Variants in PLCE1 observed in about 807,000 individuals in gnomAD.
PLCE1 encodes the protein 1-phosphatidylinositol 4,5-bisphosphate phosphodiesterase epsilon-1.
PLCE1 carries 119 observed loss-of-function variants against 242.8 expected under a neutral mutation model. The observed-to-expected ratio is 0.49, with a 90% CI of 0.42 to 0.57. PLCE1 has a LOEUF of 0.57. PLCE1 is among the 20% of genes least tolerant of loss of function. The pLI, the probability that PLCE1 is intolerant of heterozygous loss-of-function variation, is 0.00. For synonymous variants in PLCE1, 945 were observed against 1,017.4 expected (o/e 0.93, Z 1.35); for missense variants, 2,441 against 2,788.8 (o/e 0.88, Z 2.81).
intron 3 of PLCE1, among the ~76,000 whole-genome samples, chr10:94,136,104 C>T (rs898722343): frequency 2.6e-5 from 4 of 151,984 alleles, no homozygotes; most frequent in East Asian, 1.9e-4. Context: ...GTGAATTAAA[C>T]GGAGTTGGTA....
At chr10:94,249,072 A>T (rs2050785727) in intron 8 of PLCE1, among the ~76,000 whole-genome samples, 1 of 152,116 alleles carries the variant, frequency 6.6e-6, no homozygotes, top group South Asian at 2.1e-4. Context: ...CCTGCACAGA[A>T]CCAAGATGTT....
intron 1 of PLCE1, among the ~76,000 whole-genome samples, chr10:94,005,098 C>T (rs1301464030): frequency 5.9e-5 from 9 of 152,196 alleles, no homozygotes; most frequent in African/African-American, 2.2e-4. Context: ...TTTCCATCCT[C>T]GTTCCTTCCT....
intron 4 of PLCE1, among the ~76,000 whole-genome samples, chr10:94,178,694 A>G (rs1454600292): frequency 1.3e-5 from 2 of 152,232 alleles, no homozygotes; most frequent in Non-Finnish European, 2.9e-5. Context: ...CTTCATAGCA[A>G]TGATGATCGC....
chr10:94,066,270 C>T (rs1236846090), intron 2 of PLCE1, among the ~76,000 whole-genome samples: 2 of 152,212 alleles, frequency 1.3e-5, no homozygotes, highest in Non-Finnish European at 2.9e-5. Context: ...TTAGCTTTCT[C>T]TGTCTTTTTC....
At chr10:94,257,929 T>C (rs987019852) in intron 11 of PLCE1, among the ~76,000 whole-genome samples, 1 of 152,146 alleles carries the variant, frequency 6.6e-6, no homozygotes, top group Non-Finnish European at 1.5e-5. Flanking sequence ...ATTTAAAAAA[T>C]AGATCCTGTT....
intron 2 of PLCE1, among the ~76,000 whole-genome samples, chr10:94,049,429 T>C (rs1374487134): frequency 2.0e-5 from 3 of 152,186 alleles, no homozygotes; most frequent in Non-Finnish European, 4.4e-5. Flanking sequence ...CTCTATCATA[T>C]ACCAAAATTC....
intron 3 of PLCE1, among the ~76,000 whole-genome samples, chr10:94,157,384 G>A (rs1428343595): frequency 6.6e-6 from 1 of 152,112 alleles, no homozygotes; most frequent in East Asian, 1.9e-4. Flanking sequence ...TCATCACTGT[G>A]ACATACCCAT....
chr10:94,227,206 C>T lies in PLCE1; in HGVS notation c.1810-100C>T, dbSNP rs1231365354. The T allele has an allele frequency of 5.2e-6, 6 of 1,154,976 alleles. No homozygotes were observed. The African/African-American group carries it at 6.1e-5, about 12-fold the overall frequency. The allele number at this position is 1,154,976 out of a possible 1,614,324, so 71.5% of individuals were successfully genotyped here. On this transcript the variant is annotated intron_variant, in intron 4 of 32. Coordinates refer to ENST00000371380, the MANE Select transcript of PLCE1 (RefSeq NM_016341.4). ...CCTACAGGTCTTTCATTTCCTAATACCAAATTGATATTTTTAGAAAAACAA... is the reference window on the plus strand; with the variant it reads ...CCTACAGGTCTTTCATTTCCTAATATCAAATTGATATTTTTAGAAAAACAA...
rs200152581 is a variant in PLCE1 at position 94,279,841 on chromosome 10, A to T, written c.4725A>T (p.Arg1575=). ...QAYNGGNANP[R]PANNEEEEDE... is the part of the protein sequence containing the mutation. ...ATAATGGTGGGAATGCCAACCCCCG[A>T]CCTGCCAATAATGAGGAAGAGGAAG... Residue 1575 remains arginine, a synonymous_variant, in exon 20 of 33, where the codon CGA becomes CGT. Coordinates refer to ENST00000371380, the MANE Select transcript of PLCE1 (RefSeq NM_016341.4). The T allele has an allele frequency of 6.2e-7, 1 of 1,612,674 alleles. No individual in the cohort carries two copies. Among genetic ancestry groups the T allele is most frequent in the East Asian group, 2.2e-5 (1 of 44,780 alleles).
rs1441750389 is a variant in PLCE1, at chr10:94,269,024, G to A, written c.4377G>A (p.Lys1459=). ...ATCATGGACATACGCTGACAACCAAGATCCCCTTCAAGGTAATCCTTCATA... is the reference window on the plus strand; with the variant it reads ...ATCATGGACATACGCTGACAACCAAAATCCCCTTCAAGGTAATCCTTCATA... ...IIYHGHTLTT[K]IPFKEVVEAI... is the part of the protein sequence containing the mutation. The change falls in exon 17 of 33, where the codon AAG becomes AAA. Residue 1459 remains lysine, a synonymous_variant. Transcript: ENST00000371380. 6.5e-7 allele frequency: 1 copy of A among 1,540,830 alleles called. No individual in the cohort carries two copies. Among genetic ancestry groups the A allele is most frequent in the Admixed American group, 1.7e-5 (1 of 58,514 alleles).
At chr10:94,084,741 A>G (rs1295025082) in intron 2 of PLCE1, among the ~76,000 whole-genome samples, 1 of 152,146 alleles carries the variant, frequency 6.6e-6, no homozygotes, top group Non-Finnish European at 1.5e-5. Flanking sequence ...ACTGTTTCTG[A>G]TTGGACAATG....
chr10:94,200,037 C>T (rs2689706), intron 4 of PLCE1, among the ~76,000 whole-genome samples: 104,686 of 152,122 alleles, frequency 0.69, 37,525 homozygotes, highest in South Asian at 0.81. Flanking sequence ...ACGTTACCTC[C>T]TTAACATCAG....
At chr10:94,197,982 C>CAAAAAA (rs3053181) in intron 4 of PLCE1, among the ~76,000 whole-genome samples, 15 of 58,350 alleles carry the variant, frequency 2.6e-4, no homozygotes, top group East Asian at 6.9e-4. Context: ...GACTCTGTCT[C>CAAAAAA]AAAAAAAAAA....
intron 2 of PLCE1, among the ~76,000 whole-genome samples, chr10:94,048,953 G>A (rs1039694984): frequency 1.3e-5 from 2 of 151,378 alleles, no homozygotes; most frequent in Non-Finnish European, 2.9e-5. Context: ...TAGTAGGGAT[G>A]GCATCTCACT....
At chr10:94,193,564 G>A (rs889104071) in intron 4 of PLCE1, among the ~76,000 whole-genome samples, 5 of 152,166 alleles carry the variant, frequency 3.3e-5, no homozygotes, top group Admixed American at 3.3e-4. Context: ...GGGATTTTCT[G>A]AATGTTCTTG....
intron 2 of PLCE1, among the ~76,000 whole-genome samples, chr10:94,073,648 A>T (rs1385020676): frequency 6.6e-6 from 1 of 152,212 alleles, no homozygotes; most frequent in Non-Finnish European, 1.5e-5. Flanking sequence ...AATACTGGGC[A>T]CATGTGCTAC....
chr10:94,270,072 T>C (rs4918184), intron 17 of PLCE1, among the ~76,000 whole-genome samples: 41,738 of 152,124 alleles, frequency 0.27, 5,809 homozygotes, highest in Middle Eastern at 0.38. Flanking sequence ...TGTGTTTACA[T>C]ATACACATAA....
intron 2 of PLCE1, among the ~76,000 whole-genome samples, chr10:94,124,708 A>G (rs1167519724): frequency 6.6e-6 from 1 of 152,244 alleles, no homozygotes; most frequent in Admixed American, 6.5e-5. Flanking sequence ...GAGTCAATAC[A>G]TTAATCCGTA....
At chr10:94,007,994 A>T (rs1411143599) in intron 1 of PLCE1, among the ~76,000 whole-genome samples, 3 of 151,288 alleles carry the variant, frequency 2.0e-5, no homozygotes, top group Non-Finnish European at 4.4e-5. Flanking sequence ...CATGGGCAAC[A>T]TAGTGAAACC....
Sources: allele counts gnomAD v4.1 joint callset (sites outside exome capture counted in the v4.1 genomes callset), GRCh38; gene constraint gnomAD v4.1.1; transcripts MANE v1.5; gene names NCBI Gene and HGNC (gene_info 2026-07-23, HGNC 2026-07-21).